Variants in CRYBG3 observed in about 807,000 individuals in gnomAD.
CRYBG3 encodes crystallin beta-gamma domain containing 3.
CRYBG3 carries 127 observed loss-of-function variants against 244.2 expected under a neutral mutation model. That is an observed-to-expected ratio of 0.52 (90% CI 0.45 to 0.60). CRYBG3 has a LOEUF of 0.60. Ranked by LOEUF, CRYBG3 falls within the 20% of genes least tolerant of loss-of-function variation. The pLI is 0.00. For synonymous variants in CRYBG3, 1,132 were observed against 1,195.8 expected, an observed-to-expected ratio of 0.95 and a Z score of 1.10; for missense variants, 3,325 against 3,442.5, an observed-to-expected ratio of 0.97 and a Z score of 0.85.
intron 2 of CRYBG3, among the ~76,000 whole-genome samples, chr3:97,857,592 T>G (rs1457868511): frequency 2.0e-5 from 3 of 152,072 alleles, no homozygotes; most frequent in African/African-American, 7.2e-5. Flanking sequence ...GGTCCCTTTA[T>G]CCTTATATAA....
At chr3:97,834,784 C>T (rs4857295) in intron 1 of CRYBG3, among the ~76,000 whole-genome samples, 67,566 of 151,942 alleles carry the variant, frequency 0.44, 16,233 homozygotes, top group East Asian at 0.67. Context: ...TTGCAGTATT[C>T]GTATTTTGTT....
Position 97,828,828 on chromosome 3 carries a change from C to CAA in CRYBG3, c.149+6489_149+6490dup, listed in dbSNP as rs11341279. 1.6e-3 allele frequency among the ~76,000 whole-genome samples: 179 copies of CAA among 114,908 alleles called. 1 individual carries two copies. The highest frequency in any genetic ancestry group is 3.2e-3 in the African/African-American group (83 of 26,128). 75.4% of individuals were successfully genotyped at this position (114,908 alleles called of 152,430 possible). A position where few individuals can be genotyped will look rare whatever the true frequency, so the allele number is the denominator to read the frequency against. On this transcript the variant is annotated intron_variant, in intron 1 of 21. Coordinates refer to ENST00000389622, the MANE Select transcript of CRYBG3 (RefSeq NM_153605.4). ...GGGCAATAAGAGTGAAACTCCATCT[C>CAA]AAAAAAAAAAAAAAAAATAACAAAA...
At chr3:97,855,082 G>A (rs553312460) in intron 2 of CRYBG3, among the ~76,000 whole-genome samples, 5 of 151,926 alleles carry the variant, frequency 3.3e-5, no homozygotes, top group Non-Finnish European at 4.4e-5. Flanking sequence ...TTTATTAAAC[G>A]TTTTTCTGTT....
At chr3:97,824,497 G>A (rs932767164) in intron 1 of CRYBG3, among the ~76,000 whole-genome samples, 4 of 152,118 alleles carry the variant, frequency 2.6e-5, no homozygotes, top group Non-Finnish European at 4.4e-5. Context: ...TGCGTACTGG[G>A]ACAAACACCA....
intron 18 of CRYBG3, among the ~76,000 whole-genome samples, chr3:97,935,462 C>A (rs2040153306): frequency 6.6e-6 from 1 of 151,900 alleles, no homozygotes; most frequent in Non-Finnish European, 1.5e-5. Flanking sequence ...CAAGTCTGAT[C>A]TTGGTTGTGG....
chr3:97,917,855 G>A (rs2039944425), intron 17 of CRYBG3, among the ~76,000 whole-genome samples: 1 of 152,068 alleles, frequency 6.6e-6, no homozygotes, highest in African/African-American at 2.4e-5. Flanking sequence ...TTACTCTCTA[G>A]GTCCCAGTTG....
chr3:97,827,218 AC>A (rs2038589774), intron 1 of CRYBG3, among the ~76,000 whole-genome samples: 1 of 152,116 alleles, frequency 6.6e-6, no homozygotes, highest in Admixed American at 6.5e-5. Flanking sequence ...GGATTGCTAG[AC>A]CCAAGGTCAG....
chr3:97,919,012 G>A (rs1356519212), intron 17 of CRYBG3, among the ~76,000 whole-genome samples: 4 of 152,188 alleles, frequency 2.6e-5, no homozygotes, highest in African/African-American at 9.7e-5. Context: ...AGTTGACAAA[G>A]TATATTCAAA....
At chr3:97,898,771 G>A in intron 12 of CRYBG3, 112 bp from the exon 13 acceptor site, 2 of 663,672 alleles carry the variant, frequency 3.0e-6, no homozygotes, top group East Asian at 6.1e-5. Flanking sequence ...AATTCTTCCT[G>A]GAGTTATTTG....
rs1236529913 is a variant in CRYBG3 at position 97,877,219 on chromosome 3, G to A, written c.6025G>A (p.Glu2009Lys). The change falls in exon 4 of 22, where the codon GAG (glutamate) becomes AAG (lysine). Residue 2009 changes from glutamate to lysine, a missense_variant. By Grantham distance (56) the Glu-to-Lys change is moderately conservative. This residue lies in a region of CRYBG3 where 450 missense variants were observed against 424.1 expected (regional missense o/e 1.06). Coordinates refer to ENST00000389622, the MANE Select transcript of CRYBG3 (RefSeq NM_153605.4). ...FTILYEEPLQ[E>K]EDKYASAEAR... The stretch of plus-strand genomic sequence containing the variant: ...TATATTATACGAAGAGCCCCTTCAA[G>A]AGGAGGACAAGTATGCTTCCGCAGA... 1.9e-6 allele frequency: 3 copies of A among 1,613,988 alleles called. No homozygotes were observed. The highest frequency in any genetic ancestry group is 2.5e-6 in the Non-Finnish European group (3 of 1,179,892).
At chr3:97,833,190 T>C (rs2038678350) in intron 1 of CRYBG3, among the ~76,000 whole-genome samples, 1 of 152,182 alleles carries the variant, frequency 6.6e-6, no homozygotes. Flanking sequence ...AAATACCATT[T>C]GACCCAGCAA....
At chr3:97,942,776 C>T (rs568597415) in intron 21 of CRYBG3, 3 of 226,632 alleles carry the variant, frequency 1.3e-5, no homozygotes, top group African/African-American at 2.3e-5. Context: ...CCAGGAATTG[C>T]CATGGTCCTT....
chr3:97,874,934 A>AGGGT lies in CRYBG3; in HGVS notation c.3740_3741insGGGT (p.Asn1247LysfsTer40). On this transcript the variant is annotated frameshift_variant, in exon 4 of 22. Transcript: ENST00000389622. LOFTEE classifies it high-confidence loss of function. ...CTGAAAGAAGACATCTCTGAGAAAAACCCATCAGAAGTGACACTAACAGAA... is the reference window on the plus strand; with the variant it reads ...CTGAAAGAAGACATCTCTGAGAAAAAGGGTCCCATCAGAAGTGACACTAACAGAA... The AGGGT allele has an allele frequency of 6.5e-7, 1 of 1,535,746 alleles. No homozygotes were observed.
At chr3:97,929,628 A>G (rs538666236) in intron 17 of CRYBG3, among the ~76,000 whole-genome samples, 1 of 152,168 alleles carries the variant, frequency 6.6e-6, no homozygotes, top group Non-Finnish European at 1.5e-5. Context: ...GTTGGACCAC[A>G]TAATGATATC....
Position 97,900,438 on chromosome 3 carries a change from T to C in CRYBG3, c.7972-15T>C, listed in dbSNP as rs753605738. On this transcript the variant is annotated splice_polypyrimidine_tract_variant and intron_variant, in intron 14 of 21. Transcript: ENST00000389622. ...TGTGATTACAATTTTGAAAATGTTT[T>C]AATATGTTTTTCAGGAACCACTTGG... The C allele has an allele frequency of 2.0e-6, 3 of 1,529,942 alleles. No individual in the cohort carries two copies. In the South Asian group the frequency reaches 3.4e-5, roughly 18 times the overall value. The allele number at this position is 1,529,942 out of a possible 1,614,324, so 94.8% of individuals were successfully genotyped here.
intron 2 of CRYBG3, among the ~76,000 whole-genome samples, chr3:97,852,532 TAACGAG>T: frequency 6.6e-6 from 1 of 152,282 alleles, no homozygotes; most frequent in East Asian, 1.9e-4. Context: ...AACTCCTTTG[TAACGAG>T]GTTAGTAATG....
At chr3:97,865,756 A>G (rs1232604885) in intron 3 of CRYBG3, among the ~76,000 whole-genome samples, 1 of 152,212 alleles carries the variant, frequency 6.6e-6, no homozygotes, top group Non-Finnish European at 1.5e-5. Flanking sequence ...ACTAAAGTAA[A>G]TTAAGATAGA....
chr3:97,929,529 A>G (rs1428826551), intron 17 of CRYBG3, among the ~76,000 whole-genome samples: 4 of 151,968 alleles, frequency 2.6e-5, no homozygotes, highest in Non-Finnish European at 5.9e-5. Context: ...ATTCAAGTAT[A>G]CTTATAAATT....
At chr3:97,866,770 GTTACT>G (rs2039237911) in intron 3 of CRYBG3, among the ~76,000 whole-genome samples, 1 of 151,932 alleles carries the variant, frequency 6.6e-6, no homozygotes, top group Admixed American at 6.6e-5. Flanking sequence ...CTTATTTATT[GTTACT>G]AAATAATAAC....
Sources: allele counts gnomAD v4.1 joint callset (sites outside exome capture counted in the v4.1 genomes callset), GRCh38; gene constraint gnomAD v4.1.1; regional missense constraint gnomAD v4.1.1; transcripts MANE v1.5; gene names NCBI Gene and HGNC (gene_info 2026-07-23, HGNC 2026-07-21).